Variants in WASHC3 observed in about 807,000 individuals in gnomAD.
WASHC3 encodes WASH complex subunit 3.
A neutral mutation model predicts 26.1 loss-of-function variants in WASHC3; 24 were observed. The ratio of observed to expected loss-of-function variants is 0.92; its 90% CI spans 0.66 to 1.29. The LOEUF is 1.29. Ranked by LOEUF, WASHC3 falls within the 50% of genes most tolerant of loss-of-function variation. The pLI is 0.00. For synonymous variants in WASHC3, 77 were observed against 75.7 expected (o/e 1.02, Z -0.09); for missense variants, 214 against 229.6 (o/e 0.93, Z 0.44).
intron 6 of WASHC3, chr12:102,017,720 C>G (rs1876768742): frequency 2.6e-6 from 1 of 388,760 alleles, no homozygotes; most frequent in Non-Finnish European, 4.9e-6. Context: ...ACATTTGTAC[C>G]TGCAATGTAT....
At chr12:102,045,931 A>G (rs958979202) in intron 3 of WASHC3, 123 bp downstream of exon 3, 1 of 593,662 alleles carries the variant, frequency 1.7e-6, no homozygotes, top group African/African-American at 1.9e-5. Context: ...CACAACCAGT[A>G]TCACTTCACA....
intron 6 of WASHC3, among the ~76,000 whole-genome samples, chr12:102,021,761 G>T (rs968174919): frequency 7.9e-5 from 12 of 152,186 alleles, no homozygotes; most frequent in Non-Finnish European, 1.2e-4. Context: ...TTGTTGTATA[G>T]CAGGAGGTAA....
chr12:102,061,436 T>A (rs574413173), intron 1 of WASHC3, 90 bp from the exon 2 acceptor site: 1 of 825,310 alleles, frequency 1.2e-6, no homozygotes, highest in East Asian at 2.6e-5. Flanking sequence ...CGAGGCACTT[T>A]GCTGTGTGAT....
chr12:102,025,975 C>A lies in WASHC3; in HGVS notation c.499G>T (p.Glu167Ter). The A allele has an allele frequency of 6.9e-7, 1 of 1,457,522 alleles. No individual in the cohort carries two copies. Among genetic ancestry groups the A allele is most frequent in the South Asian group, 1.2e-5 (1 of 81,936 alleles). The allele number at this position is 1,457,522 out of a possible 1,614,324, so 90.3% of individuals were successfully genotyped here. The change falls in exon 6 of 7, where the codon GAG becomes TAG. Residue 167 changes from glutamate (E) to a stop codon, truncating the protein, a stop_gained and splice_region_variant. Transcript: ENST00000240079. LOFTEE classifies it high-confidence loss of function. Reference sequence around the variant, plus strand: ...CATTATATTAGAAGAATTACTTACTCAAGAAGATCTGGGTCTAGTCCTTCT... The same window carrying A: ...CATTATATTAGAAGAATTACTTACTAAAGAAGATCTGGGTCTAGTCCTTCT... The part of the protein sequence containing the change: ...ISEGLDPDLL[E>*]RPDAPVPDGE...
At chr12:102,046,572 G>A (rs1034457977) in intron 2 of WASHC3, among the ~76,000 whole-genome samples, 3 of 152,162 alleles carry the variant, frequency 2.0e-5, no homozygotes, top group South Asian at 2.1e-4. Context: ...GATTACAGGC[G>A]TGAGCCACCG....
intron 6 of WASHC3, among the ~76,000 whole-genome samples, chr12:102,017,238 C>T (rs144661558): frequency 5.9e-4 from 90 of 152,218 alleles, no homozygotes; most frequent in African/African-American, 2.1e-3. Context: ...GTGTGTAGTA[C>T]GCTATACCAT....
At chr12:102,062,005 T>C, upstream of WASHC3, 2 of 1,534,460 alleles carry the variant, frequency 1.3e-6, no homozygotes, top group Non-Finnish European at 8.9e-7. Flanking sequence ...CACAAACCCC[T>C]CCCAGATGGG....
At chr12:102,026,595 A>C (rs991428526) in intron 5 of WASHC3, among the ~76,000 whole-genome samples, 3 of 152,230 alleles carry the variant, frequency 2.0e-5, no homozygotes, top group African/African-American at 7.2e-5. Flanking sequence ...TGACAATTTT[A>C]GAAGTGTATA....
At chr12:102,026,104 T>G in intron 5 of WASHC3, 66 bp from the exon 6 acceptor site, 1 of 854,000 alleles carries the variant, frequency 1.2e-6, no homozygotes, top group Non-Finnish European at 1.8e-6. Flanking sequence ...ACACATACCA[T>G]CTAAAACAAG....
At chr12:102,014,151 C>T (rs570346724) in intron 6 of WASHC3, among the ~76,000 whole-genome samples, 70 of 124,990 alleles carry the variant, frequency 5.6e-4, no homozygotes, top group Middle Eastern at 6.2e-3. Context: ...GGTGTGATCT[C>T]GGCTCACTGC....
intron 5 of WASHC3, among the ~76,000 whole-genome samples, chr12:102,036,765 C>G (rs1026501554): frequency 1.3e-5 from 2 of 152,016 alleles, no homozygotes; most frequent in East Asian, 3.9e-4. Context: ...ATACCCTCAC[C>G]GAAGGCAGAA....
chr12:102,039,282 G>C (rs558638415), intron 5 of WASHC3, among the ~76,000 whole-genome samples: 1 of 151,678 alleles, frequency 6.6e-6, no homozygotes, highest in Non-Finnish European at 1.5e-5. Context: ...GGCTTTAACT[G>C]TTTGATTAAC....
At chr12:102,059,474 G>A (rs1464576379) in intron 2 of WASHC3, among the ~76,000 whole-genome samples, 1 of 152,128 alleles carries the variant, frequency 6.6e-6, no homozygotes, top group Non-Finnish European at 1.5e-5. Flanking sequence ...CAGAGAAGTT[G>A]AGACAGGAAC....
intron 6 of WASHC3, among the ~76,000 whole-genome samples, chr12:102,018,052 T>C (rs1328200556): frequency 6.6e-6 from 1 of 152,212 alleles, no homozygotes; most frequent in Admixed American, 6.5e-5. Context: ...ACAAGTGGAA[T>C]CATAAAATAT....
chr12:102,034,607 G>T (rs538917112), intron 5 of WASHC3, among the ~76,000 whole-genome samples: 1 of 152,084 alleles, frequency 6.6e-6, no homozygotes, highest in African/African-American at 2.4e-5. Flanking sequence ...ATACCCACAG[G>T]TATGTTCAAG....
intron 6 of WASHC3, 25 bp from the exon 7 acceptor site, chr12:102,013,217 CA>C (rs751521314): frequency 1.6e-6 from 2 of 1,239,032 alleles, no homozygotes; most frequent in South Asian, 1.3e-5. Flanking sequence ...AAAAAAATTT[CA>C]AAGGTCTTTT....
intron 2 of WASHC3, among the ~76,000 whole-genome samples, chr12:102,054,746 A>G (rs1010801482): frequency 3.3e-5 from 5 of 152,240 alleles, no homozygotes; most frequent in Non-Finnish European, 7.3e-5. Context: ...CCAGAAATCA[A>G]TAATAGAAGG....
intron 1 of WASHC3, 90 bp from the exon 2 acceptor site, chr12:102,061,436 T>G: frequency 4.8e-6 from 4 of 825,428 alleles, no homozygotes; most frequent in Non-Finnish European, 8.2e-6. Flanking sequence ...CGAGGCACTT[T>G]GCTGTGTGAT....
In WASHC3 at chr12:102,039,993, T is replaced by C; in HGVS notation, c.325-15A>G. The C allele has an allele frequency of 7.8e-7, 1 of 1,282,000 alleles. No homozygotes were observed. 79.4% of individuals were successfully genotyped at this position (1,282,000 alleles called of 1,614,324 possible). On this transcript the variant is annotated splice_polypyrimidine_tract_variant and intron_variant, in intron 4 of 6. Transcript: ENST00000240079. ...GTACTGTTCTGCTGTAGAGAGTATT[T>C]GGTGTAAATCTTTAGACAATTTACA...
Sources: allele counts gnomAD v4.1 joint callset (sites outside exome capture counted in the v4.1 genomes callset), GRCh38; gene constraint gnomAD v4.1.1; transcripts MANE v1.5; gene names NCBI Gene and HGNC (gene_info 2026-07-23, HGNC 2026-07-21).